The following ACAP2 variants were observed in gnomAD, a reference collection of about 807,000 sequenced individuals.
The protein encoded by ACAP2 is arf-GAP with coiled-coil, ANK repeat and PH domain-containing protein 2.
A neutral mutation model predicts 115.8 loss-of-function variants in ACAP2; 39 were observed. The observed-to-expected ratio is 0.34, with a 90% CI of 0.26 to 0.44. The LOEUF is 0.44. ACAP2 is among the 20% of genes least tolerant of loss of function. The probability of loss-of-function intolerance (pLI) is 1.00; values close to 1 mark genes in which losing one functional copy is unlikely to be tolerated. For synonymous variants in ACAP2, 289 were observed against 315.8 expected (o/e 0.92, Z 0.90); for missense variants, 662 against 927.6 (o/e 0.71, Z 3.72).
At chr3:195,360,515 G>A (rs4677832) in intron 4 of ACAP2, among the ~76,000 whole-genome samples, 42,602 of 152,128 alleles carry the variant, frequency 0.28, 6,789 homozygotes, top group East Asian at 0.71. Flanking sequence ...TGCACTACAG[G>A]CCAGGTGCAG....
chr3:195,303,713 G>C (rs754159805), intron 13 of ACAP2, among the ~76,000 whole-genome samples: 11 of 152,188 alleles, frequency 7.2e-5, no homozygotes, highest in Non-Finnish European at 1.5e-4. Flanking sequence ...AGGCTGCAGT[G>C]AACTATGATC....
chr3:195,415,135 T>A (rs970776927), intron 1 of ACAP2, among the ~76,000 whole-genome samples: 1 of 152,182 alleles, frequency 6.6e-6, no homozygotes, highest in Non-Finnish European at 1.5e-5. Flanking sequence ...AATGTATCAA[T>A]GTAGGCTCAA....
chr3:195,281,067 T>TA (rs1726469228), intron 22 of ACAP2, among the ~76,000 whole-genome samples: 1 of 152,120 alleles, frequency 6.6e-6, no homozygotes, highest in African/African-American at 2.4e-5. Flanking sequence ...AAAGATCTAG[T>TA]AAAAAGGTCT....
intron 5 of ACAP2, 176 bp from the exon 6 acceptor site, chr3:195,342,830 CT>C (rs1487277208): frequency 6.8e-6 from 3 of 444,276 alleles, no homozygotes; most frequent in African/African-American, 2.1e-5. Flanking sequence ...CCCATCTCTA[CT>C]AAAAATACAA....
At chr3:195,335,004 G>A (rs1730409772) in intron 7 of ACAP2, among the ~76,000 whole-genome samples, 1 of 152,066 alleles carries the variant, frequency 6.6e-6, no homozygotes, top group African/African-American at 2.4e-5. Flanking sequence ...AACTTTATCA[G>A]GGCTCACCAC....
intron 1 of ACAP2, among the ~76,000 whole-genome samples, chr3:195,402,593 T>A (rs74697113): frequency 0.021 from 3,249 of 152,238 alleles, 114 homozygotes; most frequent in East Asian, 0.1. Context: ...ATAATACAGA[T>A]TTGGACTTCT....
At chr3:195,329,304 G>C (rs144864558) in intron 8 of ACAP2, among the ~76,000 whole-genome samples, 186 of 152,234 alleles carry the variant, frequency 1.2e-3, no homozygotes, top group African/African-American at 4.1e-3. Flanking sequence ...TTGGAGCAGA[G>C]TAAAAAGGGT....
intron 15 of ACAP2, among the ~76,000 whole-genome samples, chr3:195,297,761 G>C (rs1407776947): frequency 6.6e-6 from 1 of 152,134 alleles, no homozygotes; most frequent in African/African-American, 2.4e-5. Flanking sequence ...CAACTTTCTG[G>C]TAATTATTTT....
chr3:195,348,820 G>A lies in ACAP2; in HGVS notation c.286-3503C>T, dbSNP rs564880042. On this transcript the variant is annotated intron_variant, in intron 4 of 22. Coordinates refer to ENST00000326793, the MANE Select transcript of ACAP2 (RefSeq NM_012287.6). ...AGACATATAAGGTACCTTCCTTGGC[G>A]TAATAAAGGGGACATATGAAAAATC... 3.2e-4 allele frequency among the ~76,000 whole-genome samples: 49 copies of A among 152,174 alleles called. 1 individual carries two copies. The highest frequency in any genetic ancestry group is 5.5e-4 in the African/African-American group (23 of 41,530).
At chr3:195,295,472 C>A (rs1196998645) in intron 17 of ACAP2, 3 of 580,172 alleles carry the variant, frequency 5.2e-6, no homozygotes, top group Non-Finnish European at 8.9e-6. Context: ...TCTCCCCTTG[C>A]ATTTTAAGCA....
chr3:195,417,223 C>T (rs1713810336), intron 1 of ACAP2, among the ~76,000 whole-genome samples: 1 of 151,598 alleles, frequency 6.6e-6, no homozygotes, highest in African/African-American at 2.4e-5. Flanking sequence ...TGAGCCACCA[C>T]ACCTGGCCTC....
At chr3:195,403,904 G>C (rs1177127208) in intron 1 of ACAP2, among the ~76,000 whole-genome samples, 1 of 152,158 alleles carries the variant, frequency 6.6e-6, no homozygotes, top group Non-Finnish European at 1.5e-5. Flanking sequence ...CACATAGATA[G>C]TATCGGCAGC....
At position 195,287,499 on chromosome 3, in the gene ACAP2, G is replaced by A. The variant is rs144405288; in HGVS notation, c.2174+1622C>T. On this transcript the variant is annotated intron_variant, in intron 21 of 22. Transcript: ENST00000326793. Reference sequence around the variant, plus strand: ...ACACCCGGCTAATTTTTAATTTTTTGTAGAGACAGGGCCTCGCTATGTTGC... The same window carrying A: ...ACACCCGGCTAATTTTTAATTTTTTATAGAGACAGGGCCTCGCTATGTTGC... 1.1e-4 allele frequency among the ~76,000 whole-genome samples: 16 copies of A among 149,856 alleles called. No individual in the cohort carries two copies. The East Asian group carries it at 2.5e-3, about 24-fold the overall frequency.
intron 1 of ACAP2, among the ~76,000 whole-genome samples, chr3:195,439,687 C>T (rs1715859203): frequency 6.6e-6 from 1 of 151,818 alleles, no homozygotes; most frequent in Non-Finnish European, 1.5e-5. Flanking sequence ...AGTACAGTGG[C>T]ACAACCTCAG....
chr3:195,382,686 T>C (rs148294724), intron 2 of ACAP2, among the ~76,000 whole-genome samples: 65 of 152,018 alleles, frequency 4.3e-4, no homozygotes, highest in African/African-American at 1.5e-3. Context: ...AAGAAGAGGA[T>C]AAAGAGCCAA....
chr3:195,339,941 T>A (rs1255038832), intron 6 of ACAP2, among the ~76,000 whole-genome samples: 1 of 151,970 alleles, frequency 6.6e-6, no homozygotes, highest in Admixed American at 6.6e-5. Flanking sequence ...AATAAATATT[T>A]ACAATAAATG....
chr3:195,343,284 G>C (rs562828597), intron 5 of ACAP2, among the ~76,000 whole-genome samples: 4 of 152,048 alleles, frequency 2.6e-5, no homozygotes, highest in Non-Finnish European at 4.4e-5. Flanking sequence ...ATTTTTAAAC[G>C]GTAGTATACA....
intron 9 of ACAP2, among the ~76,000 whole-genome samples, chr3:195,323,005 TC>T (rs1401946968): frequency 6.6e-6 from 1 of 152,184 alleles, no homozygotes; most frequent in East Asian, 1.9e-4. Flanking sequence ...GAAGGAATAC[TC>T]AAAGGCAAGA....
chr3:195,275,245 TTATG>T lies in ACAP2; in HGVS notation c.*4079_*4082del, dbSNP rs1344936715. On this transcript the variant is annotated 3_prime_UTR_variant, in exon 23 of 23. Transcript: ENST00000326793. ...TGAAAAGACCAATGCAGAGAAAAGT[TTATG>T]TAATCAAATCTTGCTTTGTCTCCAC... The T allele has an allele frequency of 1.3e-5, 2 of 152,370 alleles. No homozygotes were observed. The highest frequency in any genetic ancestry group is 2.1e-4 in the South Asian group (1 of 4,830). 9.4% of individuals were successfully genotyped at this position (152,370 alleles called of 1,614,324 possible).
Sources: gnomAD v4.1 joint callset for allele counts (sites outside exome capture counted in the v4.1 genomes callset) on GRCh38, gnomAD v4.1.1 for gene constraint, MANE v1.5 for transcripts, NCBI Gene and HGNC (gene_info 2026-07-23, HGNC 2026-07-21) for gene names.